The following SLC12A8 variants were observed in gnomAD, a reference collection of about 807,000 sequenced individuals.
SLC12A8 encodes cation-chloride cotransporter 9.
In SLC12A8, 69 loss-of-function variants were observed where a neutral mutation model predicts 75.6. The observed-to-expected ratio is 0.91, with a 90% CI of 0.75 to 1.11. SLC12A8 has a LOEUF of 1.11. Among genes scored for constraint, SLC12A8 ranks in the 50% most tolerant of loss-of-function variants. SLC12A8 has a pLI of 0.00. For missense variants in SLC12A8, 877 were observed against 896.7 expected, an observed-to-expected ratio of 0.98 and a Z score of 0.28; for synonymous variants, 365 against 372.8, an observed-to-expected ratio of 0.98 and a Z score of 0.24.
At chr3:125,086,410 C>T (rs1483951729) in intron 13 of SLC12A8, among the ~76,000 whole-genome samples, 1 of 152,214 alleles carries the variant, frequency 6.6e-6, no homozygotes, top group Non-Finnish European at 1.5e-5. Flanking sequence ...TTCTACATAG[C>T]ACTGCTGTGA....
intron 9 of SLC12A8, 83 bp from the exon 10 acceptor site, chr3:125,108,209 A>G: frequency 1.5e-6 from 2 of 1,376,340 alleles, no homozygotes; most frequent in South Asian, 1.4e-5. Flanking sequence ...GGCTAGAAAC[A>G]CAACTCATAA....
intron 2 of SLC12A8, among the ~76,000 whole-genome samples, chr3:125,204,882 T>A (rs906605286): frequency 8.5e-5 from 13 of 152,138 alleles, no homozygotes; most frequent in Non-Finnish European, 1.9e-4. Context: ...TAAAAATGTT[T>A]TAAAATCTTG....
At chr3:125,098,876 T>C (rs1416630080) in intron 10 of SLC12A8, among the ~76,000 whole-genome samples, 3 of 151,944 alleles carry the variant, frequency 2.0e-5, no homozygotes, top group Non-Finnish European at 2.9e-5. Context: ...GAAAAATGAA[T>C]GGGGAAAATC....
At chr3:125,140,565 A>G (rs1327034328) in intron 5 of SLC12A8, among the ~76,000 whole-genome samples, 4 of 152,124 alleles carry the variant, frequency 2.6e-5, no homozygotes, top group Admixed American at 2.0e-4. Flanking sequence ...GCCTACCGGT[A>G]TGCAACTGGC....
At chr3:125,101,940 G>C (rs1938887646) in intron 10 of SLC12A8, among the ~76,000 whole-genome samples, 1 of 152,212 alleles carries the variant, frequency 6.6e-6, no homozygotes, top group South Asian at 2.1e-4. Context: ...GACGAGTACA[G>C]AGGTAAAAAG....
At chr3:125,116,096 A>G (rs930838447) in intron 8 of SLC12A8, among the ~76,000 whole-genome samples, 2 of 152,208 alleles carry the variant, frequency 1.3e-5, no homozygotes, top group Admixed American at 1.3e-4. Flanking sequence ...AGTCAGTCCC[A>G]AGGAGCGACA....
chr3:125,212,648 G>A (rs653738), intron 1 of SLC12A8, 52 bp downstream of exon 1: 24,111 of 152,348 alleles, frequency 0.16, 2,403 homozygotes, highest in African/African-American at 0.27. Context: ...GCCGGGGAGA[G>A]GAACTGTCCC....
intron 4 of SLC12A8, among the ~76,000 whole-genome samples, chr3:125,184,989 A>C (rs1289950825): frequency 6.6e-6 from 1 of 152,224 alleles, no homozygotes; most frequent in Non-Finnish European, 1.5e-5. Context: ...ATCTATAGAC[A>C]ATTAATATGC....
intron 12 of SLC12A8, 100 bp downstream of exon 12, chr3:125,091,339 G>C: frequency 1.3e-6 from 1 of 776,680 alleles, no homozygotes; most frequent in Non-Finnish European, 2.3e-6. Flanking sequence ...ATTCACATCT[G>C]AATCAGTGTT....
chr3:125,165,804 G>T lies in SLC12A8; in HGVS notation c.622+11939C>A, dbSNP rs561507141. Among the ~76,000 whole-genome samples the T allele has an allele frequency of 6.6e-5, 10 of 152,246 alleles. No individual in the cohort carries two copies. The East Asian group carries it at 1.9e-3, about 29-fold the overall frequency. On this transcript the variant is annotated intron_variant, in intron 5 of 13. Coordinates refer to ENST00000469902, the MANE Select transcript of SLC12A8 (RefSeq NM_024628.6). ...AGGAAGACCCCAGGCCTGGCCCTCCGCAGACACAGTGCCAGGCCAGCTGCG... is the reference window on the plus strand; with the variant it reads ...AGGAAGACCCCAGGCCTGGCCCTCCTCAGACACAGTGCCAGGCCAGCTGCG...
chr3:125,101,019 CAAAAAAAAA>C (rs59602383), intron 10 of SLC12A8, among the ~76,000 whole-genome samples: 1 of 86,732 alleles, frequency 1.2e-5, no homozygotes, highest in African/African-American at 4.7e-5. Context: ...GACTCCGTCT[CAAAAAAAAA>C]AAAAAAAAAA....
intron 5 of SLC12A8, among the ~76,000 whole-genome samples, chr3:125,155,618 A>C: frequency 7.1e-5 from 2 of 28,224 alleles, no homozygotes; most frequent in Non-Finnish European, 2.4e-4. Context: ...AAAAATACAA[A>C]AAAGTAGCTG....
At chr3:125,149,602 C>A (rs2107770359) in intron 5 of SLC12A8, among the ~76,000 whole-genome samples, 1 of 152,218 alleles carries the variant, frequency 6.6e-6, no homozygotes, top group African/African-American at 2.4e-5. Context: ...CAAACAAGAA[C>A]CACCAACATA....
chr3:125,151,925 A>G (rs1410040396), intron 5 of SLC12A8, among the ~76,000 whole-genome samples: 1 of 152,218 alleles, frequency 6.6e-6, no homozygotes. Flanking sequence ...TTTAATCTCT[A>G]AATAATCTGT....
At chr3:125,135,968 G>A (rs1933482969) in intron 5 of SLC12A8, among the ~76,000 whole-genome samples, 186 bp from the exon 6 acceptor site, 1 of 152,142 alleles carries the variant, frequency 6.6e-6, no homozygotes, top group African/African-American at 2.4e-5. Flanking sequence ...TGACTTTTGT[G>A]TGCTGATCCC....
intron 6 of SLC12A8, among the ~76,000 whole-genome samples, chr3:125,125,421 T>G (rs1933181168): frequency 6.6e-6 from 1 of 152,146 alleles, no homozygotes; most frequent in Non-Finnish European, 1.5e-5. Flanking sequence ...TAGCCAGGCA[T>G]GGTGGCACGC....
chr3:125,102,545 G>A (rs1560051761), intron 10 of SLC12A8, among the ~76,000 whole-genome samples: 1 of 152,166 alleles, frequency 6.6e-6, no homozygotes, highest in Non-Finnish European at 1.5e-5. Flanking sequence ...TGGGATGCGG[G>A]AGAGTCTTGG....
chr3:125,148,058 A>G (rs1484739523), intron 5 of SLC12A8, among the ~76,000 whole-genome samples: 1 of 152,212 alleles, frequency 6.6e-6, no homozygotes, highest in East Asian at 1.9e-4. Context: ...CAGAGAGGTT[A>G]ACTACCTTGA....
chr3:125,110,625 C>T, intron 8 of SLC12A8: 1 of 245,854 alleles, frequency 4.1e-6, no homozygotes, highest in Middle Eastern at 1.3e-3. Flanking sequence ...CCTCAGAGTT[C>T]CTGGTTCAGT....
Sources: gnomAD v4.1 joint callset for allele counts (sites outside exome capture counted in the v4.1 genomes callset) on GRCh38, gnomAD v4.1.1 for gene constraint, MANE v1.5 for transcripts, NCBI Gene and HGNC (gene_info 2026-07-23, HGNC 2026-07-21) for gene names.